MDGA2: variants seen among roughly 807,000 people sequenced by gnomAD.
MDGA2 encodes the protein MAM domain containing glycosylphosphatidylinositol anchor 2.
Under a neutral mutation model 117.8 loss-of-function variants are expected in MDGA2, and 40 were observed. The ratio of observed to expected loss-of-function variants is 0.34; its 90% CI spans 0.26 to 0.44. MDGA2 has a LOEUF of 0.44. Ranked by LOEUF, MDGA2 falls within the 20% of genes least tolerant of loss-of-function variation. The probability of loss-of-function intolerance (pLI) is 1.00; values close to 1 mark genes in which losing one functional copy is unlikely to be tolerated. For missense variants in MDGA2, 1,123 were observed against 1,250.6 expected (o/e 0.90, Z 1.54); for synonymous variants, 452 against 439.0 (o/e 1.03, Z -0.37).
chr14:47,398,517 T>C (rs1000088065), intron 1 of MDGA2, among the ~76,000 whole-genome samples: 5 of 152,214 alleles, frequency 3.3e-5, no homozygotes, highest in African/African-American at 1.2e-4. Flanking sequence ...ATACATTTTC[T>C]GGTATTTGAT....
intron 2 of MDGA2, among the ~76,000 whole-genome samples, chr14:47,283,449 A>G (rs1413583022): frequency 6.6e-6 from 1 of 152,226 alleles, no homozygotes; most frequent in African/African-American, 2.4e-5. Flanking sequence ...TGTGTTTTGC[A>G]TGTCACCTAG....
chr14:47,166,036 T>C (rs887223249), intron 3 of MDGA2, among the ~76,000 whole-genome samples: 8 of 145,376 alleles, frequency 5.5e-5, no homozygotes, highest in African/African-American at 2.0e-4. Context: ...CTGTTTACTT[T>C]TTTTTTTTTT....
chr14:47,201,702 T>G (rs1030188761), intron 3 of MDGA2, among the ~76,000 whole-genome samples: 2 of 152,190 alleles, frequency 1.3e-5, no homozygotes, highest in Non-Finnish European at 2.9e-5. Flanking sequence ...GCCAGCCTAC[T>G]TTATCTGTTT....
At chr14:47,419,020 T>C (rs1892527248) in intron 1 of MDGA2, among the ~76,000 whole-genome samples, 1 of 152,066 alleles carries the variant, frequency 6.6e-6, no homozygotes, top group Non-Finnish European at 1.5e-5. Context: ...ATTTAAAGAG[T>C]ATTCAGACGA....
intron 12 of MDGA2, among the ~76,000 whole-genome samples, chr14:46,875,161 C>A (rs2138369900): frequency 6.6e-6 from 1 of 151,764 alleles, no homozygotes; most frequent in African/African-American, 2.4e-5. Flanking sequence ...CAAATGGAAT[C>A]CAAATTCCCT....
rs71112489 is a variant in MDGA2 at position 47,161,927 on chromosome 14, C to CTTT, written c.596-17656_596-17654dup. On this transcript the variant is annotated intron_variant, in intron 3 of 16. Coordinates refer to ENST00000399232, the MANE Select transcript of MDGA2 (RefSeq NM_001113498.3). ...ATTTAAACACCCCCCTCCCCAGATC[C>CTTT]TTTTTTTTTTTTTTTTTTTTTTTTT... Among the ~76,000 whole-genome samples, 2 of 52,472 alleles carry CTTT rather than the reference C, an allele frequency of 3.8e-5. 1 individual carries two copies. Among genetic ancestry groups the CTTT allele is most frequent in the Non-Finnish European group, 7.0e-5 (2 of 28,496 alleles). 34.4% of individuals were successfully genotyped at this position (52,472 alleles called of 152,430 possible). A position where few individuals can be genotyped will look rare whatever the true frequency, so the allele number is the denominator to read the frequency against.
chr14:47,322,429 T>A (rs1417984775), intron 1 of MDGA2, among the ~76,000 whole-genome samples: 1 of 152,202 alleles, frequency 6.6e-6, no homozygotes, highest in Non-Finnish European at 1.5e-5. Context: ...ATTATTTTAA[T>A]ATCAGTGCTT....
intron 9 of MDGA2, among the ~76,000 whole-genome samples, chr14:46,955,373 C>G (rs945221407): frequency 6.6e-6 from 1 of 151,956 alleles, no homozygotes; most frequent in African/African-American, 2.4e-5. Flanking sequence ...ACTTAAACCT[C>G]ATAAAACTGC....
intron 10 of MDGA2, among the ~76,000 whole-genome samples, chr14:46,898,086 A>G (rs1053600275): frequency 2.0e-5 from 3 of 152,084 alleles, no homozygotes; most frequent in African/African-American, 7.2e-5. Flanking sequence ...AAAAATAACA[A>G]ATAAATGAAA....
intron 1 of MDGA2, among the ~76,000 whole-genome samples, chr14:47,567,201 C>T (rs999184852): frequency 6.6e-6 from 1 of 151,922 alleles, no homozygotes; most frequent in African/African-American, 2.4e-5. Context: ...ATGCCCAGCC[C>T]AATAAAGTAT....
At chr14:47,472,311 C>T (rs1349259839) in intron 1 of MDGA2, among the ~76,000 whole-genome samples, 1 of 152,124 alleles carries the variant, frequency 6.6e-6, no homozygotes, top group Non-Finnish European at 1.5e-5. Flanking sequence ...ATGGACTATA[C>T]TTACACAAAC....
chr14:47,029,871 A>C (rs1888600384), intron 8 of MDGA2, among the ~76,000 whole-genome samples: 1 of 151,818 alleles, frequency 6.6e-6, no homozygotes, highest in African/African-American at 2.4e-5. Context: ...TCTGTCACTC[A>C]TGCTTGAGTG....
intron 8 of MDGA2, among the ~76,000 whole-genome samples, chr14:46,979,043 A>T (rs1418936968): frequency 6.6e-6 from 1 of 152,130 alleles, no homozygotes; most frequent in Non-Finnish European, 1.5e-5. Context: ...GAGCAAATTT[A>T]TTAGTGCCAT....
intron 10 of MDGA2, among the ~76,000 whole-genome samples, chr14:46,882,505 C>A (rs559787942): frequency 6.7e-6 from 1 of 150,072 alleles, no homozygotes; most frequent in East Asian, 2.0e-4. Flanking sequence ...ATCTTGAAGT[C>A]GGGAGAGATC....
chr14:47,431,793 CTACAT>C (rs370222364), intron 1 of MDGA2, among the ~76,000 whole-genome samples: 81 of 152,084 alleles, frequency 5.3e-4, no homozygotes, highest in African/African-American at 6.3e-4. Flanking sequence ...TGAGATTTGT[CTACAT>C]TACATTTTTT....
At chr14:47,046,347 G>A (rs1889264217) in intron 7 of MDGA2, among the ~76,000 whole-genome samples, 1 of 151,792 alleles carries the variant, frequency 6.6e-6, no homozygotes, top group Non-Finnish European at 1.5e-5. Context: ...GTTCATGTTT[G>A]TTATTTTTTA....
In MDGA2 at chr14:47,377,575, T is replaced by TGGCTTTGAGGGTCCCATGCCC. The variant is rs1366661778; in HGVS notation, c.281-76046_281-76026dup. On this transcript the variant is annotated intron_variant, in intron 1 of 16. Coordinates refer to ENST00000399232, the MANE Select transcript of MDGA2 (RefSeq NM_001113498.3). Reference sequence around the variant, plus strand: ...ACACCAGGAGATTATATCCCATGCATGGCTTTGAGGGTCCCATGCCCACGG... The same window carrying TGGCTTTGAGGGTCCCATGCCC: ...ACACCAGGAGATTATATCCCATGCATGGCTTTGAGGGTCCCATGCCCGGCTTTGAGGGTCCCATGCCCACGG... Among the ~76,000 whole-genome samples the TGGCTTTGAGGGTCCCATGCCC allele has an allele frequency of 4.3e-4, 65 of 152,250 alleles. No individual in the cohort carries two copies. The South Asian group carries it at 6.0e-3, about 14-fold the overall frequency.
At chr14:46,929,461 G>A (rs1294343784) in intron 9 of MDGA2, among the ~76,000 whole-genome samples, 3 of 150,226 alleles carry the variant, frequency 2.0e-5, no homozygotes, top group African/African-American at 4.9e-5. Context: ...TTACTTGCTT[G>A]GAAACTTTGC....
chr14:47,347,846 T>G (rs1288886456), intron 1 of MDGA2, among the ~76,000 whole-genome samples: 3 of 152,108 alleles, frequency 2.0e-5, no homozygotes, highest in African/African-American at 7.2e-5. Context: ...TGAAATGACC[T>G]GACATATTGG....
Sources: gnomAD v4.1 joint callset for allele counts (sites outside exome capture counted in the v4.1 genomes callset) on GRCh38, gnomAD v4.1.1 for gene constraint, MANE v1.5 for transcripts, NCBI Gene and HGNC (gene_info 2026-07-23, HGNC 2026-07-21) for gene names.